Variants in MAP3K7CL observed in about 807,000 individuals in gnomAD.
MAP3K7CL encodes MAP3K7 C-terminal-like protein.
A neutral mutation model predicts 18.6 loss-of-function variants in MAP3K7CL; 16 were observed. The observed-to-expected ratio is 0.86, with a 90% CI of 0.58 to 1.31. The LOEUF is 1.31. MAP3K7CL is among the 50% of genes most tolerant of loss of function. The pLI is 0.00. For synonymous variants in MAP3K7CL, 65 were observed against 66.8 expected, an observed-to-expected ratio of 0.97 and a Z score of 0.13; for missense variants, 163 against 174.4, an observed-to-expected ratio of 0.93 and a Z score of 0.37.
intron 4 of MAP3K7CL, among the ~76,000 whole-genome samples, chr21:29,106,402 G>C (rs1038573828): frequency 1.3e-5 from 2 of 152,096 alleles, no homozygotes; most frequent in Non-Finnish European, 2.9e-5. Context: ...GGCTGGTCTC[G>C]AATCCCTGAC....
At chr21:29,163,364 T>A (rs1410319915) in intron 4 of MAP3K7CL, among the ~76,000 whole-genome samples, 1 of 151,500 alleles carries the variant, frequency 6.6e-6, no homozygotes, top group Non-Finnish European at 1.5e-5. Context: ...ATATATATAT[T>A]TTCTTTTTCG....
intron 4 of MAP3K7CL, among the ~76,000 whole-genome samples, chr21:29,162,923 G>A (rs1462947102): frequency 6.6e-6 from 1 of 152,098 alleles, no homozygotes; most frequent in African/African-American, 2.4e-5. Context: ...TGGCCAACAT[G>A]GCAAAGCCCT....
intron 4 of MAP3K7CL, among the ~76,000 whole-genome samples, chr21:29,112,777 C>T (rs2086440773): frequency 6.6e-6 from 1 of 152,074 alleles, no homozygotes; most frequent in African/African-American, 2.4e-5. Flanking sequence ...TACATTTCTT[C>T]ATTCTTCTGC....
rs534529961 is a variant in MAP3K7CL, at chr21:29,163,003, C to T, written c.248+2947C>T. ...GCACGTGCCTGTAATCGCAGCTACTCAAGAGGCTGAGTCATGAGAATTGCT... is the reference window on the plus strand; with the variant it reads ...GCACGTGCCTGTAATCGCAGCTACTTAAGAGGCTGAGTCATGAGAATTGCT... On this transcript the variant is annotated intron_variant, in intron 4 of 4. Coordinates refer to ENST00000399928, the MANE Select transcript of MAP3K7CL (RefSeq NM_001286620.2). 3.2e-3 allele frequency among the ~76,000 whole-genome samples: 485 copies of T among 152,216 alleles called. 1 individual carries two copies. Among genetic ancestry groups the T allele is most frequent in the Non-Finnish European group, 5.7e-3 (385 of 68,012 alleles).
At chr21:29,089,167 T>TGAAAA (rs2085976542) in intron 1 of MAP3K7CL, among the ~76,000 whole-genome samples, 1 of 35,468 alleles carries the variant, frequency 2.8e-5, no homozygotes, top group African/African-American at 2.2e-4. Flanking sequence ...AGACTCCGTC[T>TGAAAA]CAAAAAAAAA....
intron 2 of MAP3K7CL, among the ~76,000 whole-genome samples, chr21:29,142,560 G>C (rs886648389): frequency 2.0e-5 from 3 of 152,148 alleles, no homozygotes; most frequent in Admixed American, 6.5e-5. Flanking sequence ...AGTTTAGCTT[G>C]ATAGAATAGA....
At chr21:29,120,128 T>A (rs1483463726) in intron 4 of MAP3K7CL, among the ~76,000 whole-genome samples, 3 of 152,144 alleles carry the variant, frequency 2.0e-5, no homozygotes, top group Admixed American at 6.5e-5. Context: ...TTTTATGAGA[T>A]CTTATTTTTT....
chr21:29,109,383 CAGAG>C, intron 4 of MAP3K7CL: 1 of 1,338,834 alleles, frequency 7.5e-7, no homozygotes, highest in East Asian at 2.8e-5. Flanking sequence ...TCCTTGAAAT[CAGAG>C]AGAGCTTTAA....
chr21:29,174,639 G>A (rs1434173275), intron 4 of MAP3K7CL, 73 bp from the exon 5 acceptor site: 4 of 1,524,366 alleles, frequency 2.6e-6, no homozygotes, highest in Middle Eastern at 2.3e-4. Context: ...CTTCCATCAT[G>A]CTATTACTGA....
Position 29,149,226 on chromosome 21 carries a change from T to C in MAP3K7CL, c.108T>C (p.Phe36=), listed in dbSNP as rs748919964. 1.2e-6 allele frequency: 2 copies of C among 1,613,962 alleles called. No individual in the cohort carries two copies. The highest frequency in any genetic ancestry group is 1.7e-5 in the Admixed American group (1 of 60,026). Residue 36 remains phenylalanine, a synonymous_variant, in exon 3 of 5, where the codon TTT becomes TTC. Transcript: ENST00000399928. The part of the protein sequence containing the change: ...TPPEDSIPLV[F]PELDQQLQPL... ...CTGAAGACTCCATTCCTTTGGTCTT[T>C]CCAGAATTAGACCAGCAGCTACAGG...
chr21:29,089,206 C>T (rs1240378866), intron 1 of MAP3K7CL, among the ~76,000 whole-genome samples: 1 of 103,542 alleles, frequency 9.7e-6, no homozygotes, highest in Admixed American at 9.7e-5. Context: ...AAAAAAGACA[C>T]TGGTCCTGGG....
intron 4 of MAP3K7CL, among the ~76,000 whole-genome samples, chr21:29,098,442 A>T (rs1433416894): frequency 6.6e-6 from 1 of 152,032 alleles, no homozygotes; most frequent in Non-Finnish European, 1.5e-5. Flanking sequence ...GTCTCCATGG[A>T]GCAGCTGGAA....
intron 2 of MAP3K7CL, among the ~76,000 whole-genome samples, chr21:29,141,953 C>T (rs1357749113): frequency 1.3e-5 from 2 of 151,400 alleles, no homozygotes; most frequent in Non-Finnish European, 2.9e-5. Context: ...TATTTTATTC[C>T]TAAAAATAAA....
At chr21:29,151,282 C>T (rs2087267367) in intron 3 of MAP3K7CL, among the ~76,000 whole-genome samples, 2 of 151,358 alleles carry the variant, frequency 1.3e-5, no homozygotes, top group South Asian at 2.1e-4. Flanking sequence ...TATGGTGAAA[C>T]CCCATCTCTA....
intron 1 of MAP3K7CL, among the ~76,000 whole-genome samples, chr21:29,088,495 A>G (rs1262080013): frequency 6.6e-6 from 1 of 152,264 alleles, no homozygotes; most frequent in African/African-American, 2.4e-5. Flanking sequence ...GTTATTTTAC[A>G]CACTGCAAAG....
intron 4 of MAP3K7CL, among the ~76,000 whole-genome samples, chr21:29,171,979 T>G (rs1351660484): frequency 6.9e-6 from 1 of 145,164 alleles, no homozygotes; most frequent in East Asian, 1.9e-4. Flanking sequence ...TATATGTGTG[T>G]AAATACATGT....
chr21:29,174,662 G>C, intron 4 of MAP3K7CL, 50 bp from the exon 5 acceptor site: 1 of 1,585,892 alleles, frequency 6.3e-7, no homozygotes. Flanking sequence ...AATTTAATTT[G>C]CTTGCATTGA....
At chr21:29,093,305 C>T (rs1187881977) in intron 4 of MAP3K7CL, among the ~76,000 whole-genome samples, 1 of 152,188 alleles carries the variant, frequency 6.6e-6, no homozygotes, top group African/African-American at 2.4e-5. Context: ...ATCCATTTTT[C>T]ATACTGAATA....
chr21:29,159,863 G>T, intron 3 of MAP3K7CL, 78 bp from the exon 4 acceptor site: 1 of 1,103,042 alleles, frequency 9.1e-7, no homozygotes, highest in Non-Finnish European at 1.3e-6. Flanking sequence ...TTCGTTTAAA[G>T]AACATCAGCG....
Sources: allele counts gnomAD v4.1 joint callset (sites outside exome capture counted in the v4.1 genomes callset), GRCh38; gene constraint gnomAD v4.1.1; transcripts MANE v1.5; gene names NCBI Gene and HGNC (gene_info 2026-07-23, HGNC 2026-07-21).